HS6ST3: variants seen among roughly 807,000 people sequenced by gnomAD.
HS6ST3 encodes heparan sulfate 6-O-sulfotransferase 3.
In HS6ST3, 12 loss-of-function variants were observed where a neutral mutation model predicts 36.7. The observed-to-expected ratio is 0.33, with a 90% CI of 0.21 to 0.53. HS6ST3 has a LOEUF of 0.53. Among genes scored for constraint, HS6ST3 ranks in the 20% least tolerant of loss-of-function variants. The pLI is 0.95. For missense variants in HS6ST3, 584 were observed against 640.9 expected (o/e 0.91, Z 0.96); for synonymous variants, 240 against 257.5 (o/e 0.93, Z 0.65).
intron 1 of HS6ST3, among the ~76,000 whole-genome samples, chr13:96,495,329 GT>G (rs2055969589): frequency 2.0e-5 from 3 of 151,986 alleles, no homozygotes; most frequent in Non-Finnish European, 2.9e-5. Flanking sequence ...CTCTCCTTTT[GT>G]TTTTACTTTT....
chr13:96,706,413 T>TTTTA (rs5805987), intron 1 of HS6ST3, among the ~76,000 whole-genome samples: 20 of 121,028 alleles, frequency 1.7e-4, no homozygotes, highest in African/African-American at 6.0e-4. Flanking sequence ...AGAATATATT[T>TTTTA]TATATATATA....
At chr13:96,113,696 A>G (rs916337831) in intron 1 of HS6ST3, among the ~76,000 whole-genome samples, 1 of 152,174 alleles carries the variant, frequency 6.6e-6, no homozygotes, top group Non-Finnish European at 1.5e-5. Flanking sequence ...GGTTTTTGGA[A>G]AGGAGTCTGA....
intron 1 of HS6ST3, among the ~76,000 whole-genome samples, chr13:96,404,710 T>C (rs928945574): frequency 1.8e-4 from 28 of 152,292 alleles, no homozygotes; most frequent in African/African-American, 6.5e-4. Flanking sequence ...TAATCCACAG[T>C]AAATCAGAGG....
At chr13:96,669,882 AG>A (rs1192335787) in intron 1 of HS6ST3, among the ~76,000 whole-genome samples, 1 of 152,118 alleles carries the variant, frequency 6.6e-6, no homozygotes, top group Non-Finnish European at 1.5e-5. Flanking sequence ...GTTTTGAGGA[AG>A]AAGAGGAAAT....
At chr13:96,667,469 A>T (rs1209299929) in intron 1 of HS6ST3, among the ~76,000 whole-genome samples, 1 of 152,114 alleles carries the variant, frequency 6.6e-6, no homozygotes, top group African/African-American at 2.4e-5. Context: ...AATTTTACTC[A>T]TTTCTGTCAG....
At chr13:96,626,753 C>T (rs577163082) in intron 1 of HS6ST3, among the ~76,000 whole-genome samples, 19 of 151,926 alleles carry the variant, frequency 1.3e-4, no homozygotes, top group African/African-American at 3.1e-4. Flanking sequence ...GTTTAAAATT[C>T]GTATTTAAAA....
chr13:96,766,970 C>T (rs1877133437), intron 1 of HS6ST3, among the ~76,000 whole-genome samples: 1 of 152,162 alleles, frequency 6.6e-6, no homozygotes, highest in South Asian at 2.1e-4. Context: ...TAAGCATGTT[C>T]AACTTTAGTG....
chr13:96,094,247 C>A (rs1180541886), intron 1 of HS6ST3, among the ~76,000 whole-genome samples: 1 of 152,070 alleles, frequency 6.6e-6, no homozygotes, highest in Non-Finnish European at 1.5e-5. Context: ...TCAATGCATG[C>A]AAAATGCTTA....
intron 1 of HS6ST3, among the ~76,000 whole-genome samples, chr13:96,739,342 G>A (rs137922645): frequency 2.1e-4 from 32 of 151,018 alleles, no homozygotes; most frequent in Non-Finnish European, 4.3e-4. Flanking sequence ...TTTGACTCTC[G>A]AGTGTTTATC....
At chr13:96,754,439 G>A (rs566718550) in intron 1 of HS6ST3, among the ~76,000 whole-genome samples, 1 of 152,254 alleles carries the variant, frequency 6.6e-6, no homozygotes, top group Non-Finnish European at 1.5e-5. Flanking sequence ...GATATTCAGT[G>A]CCCTTGGAAG....
chr13:96,183,279 A>G (rs1223602327), intron 1 of HS6ST3, among the ~76,000 whole-genome samples: 2 of 152,084 alleles, frequency 1.3e-5, no homozygotes, highest in South Asian at 2.1e-4. Context: ...CATGTTTGGT[A>G]AGAGAGGCTG....
At position 96,502,892 on chromosome 13, in the gene HS6ST3, C is replaced by T. The variant is rs116293118; in HGVS notation, c.708-329598C>T. On this transcript the variant is annotated intron_variant, in intron 1 of 1. Coordinates refer to ENST00000376705, the MANE Select transcript of HS6ST3 (RefSeq NM_153456.4). ...GTGGAAGAACAAACCATGATTTGAC[C>T]AAGAAAAACCTAATAGAATCTTCTC... Among the ~76,000 whole-genome samples the T allele has an allele frequency of 5.3e-3, 802 of 152,184 alleles. 7 individuals are homozygous for T. The highest frequency in any genetic ancestry group is 0.018 in the African/African-American group (744 of 41,522).
chr13:96,606,604 AGG>A (rs2056439782), intron 1 of HS6ST3, among the ~76,000 whole-genome samples: 1 of 20,956 alleles, frequency 4.8e-5, no homozygotes, highest in Admixed American at 6.1e-4. Flanking sequence ...AGAGGGAGGG[AGG>A]GAGGGAGGGA....
chr13:96,550,934 C>T (rs2056217209), intron 1 of HS6ST3, among the ~76,000 whole-genome samples: 1 of 152,106 alleles, frequency 6.6e-6, no homozygotes, highest in Non-Finnish European at 1.5e-5. Flanking sequence ...TATATTTAGA[C>T]AATTCTAATC....
chr13:96,391,718 C>G (rs2055396595), intron 1 of HS6ST3, among the ~76,000 whole-genome samples: 1 of 152,124 alleles, frequency 6.6e-6, no homozygotes, highest in Non-Finnish European at 1.5e-5. Flanking sequence ...CAGGGAAACT[C>G]CCGTTTTTAA....
chr13:96,416,251 A>G (rs2055532338), intron 1 of HS6ST3, among the ~76,000 whole-genome samples: 1 of 152,216 alleles, frequency 6.6e-6, no homozygotes, highest in Non-Finnish European at 1.5e-5. Context: ...GCCTCTTCTC[A>G]TCCAATTGGT....
intron 1 of HS6ST3, among the ~76,000 whole-genome samples, chr13:96,100,219 C>A (rs537632852): frequency 4.6e-5 from 7 of 151,792 alleles, no homozygotes; most frequent in African/African-American, 1.7e-4. Context: ...GGGAAGTAAT[C>A]CACTATCCAG....
intron 1 of HS6ST3, among the ~76,000 whole-genome samples, chr13:96,558,808 T>C (rs1302303436): frequency 2.6e-5 from 4 of 152,224 alleles, no homozygotes; most frequent in African/African-American, 2.4e-5. Context: ...TCAGTCATTA[T>C]AGAAATGTAA....
intron 1 of HS6ST3, among the ~76,000 whole-genome samples, chr13:96,660,132 T>A (rs2056641384): frequency 6.6e-6 from 1 of 152,098 alleles, no homozygotes; most frequent in African/African-American, 2.4e-5. Context: ...ATTAAATTTT[T>A]AATGAAGAAA....
Sources: gnomAD v4.1 joint callset for allele counts (sites outside exome capture counted in the v4.1 genomes callset) on GRCh38, gnomAD v4.1.1 for gene constraint, MANE v1.5 for transcripts, NCBI Gene and HGNC (gene_info 2026-07-23, HGNC 2026-07-21) for gene names.